CA10: variants seen among roughly 807,000 people sequenced by gnomAD.
CA10 encodes carbonic anhydrase-related protein 10.
CA10 carries 14 observed loss-of-function variants against 44.2 expected under a neutral mutation model. That is an observed-to-expected ratio of 0.32 (90% CI 0.21 to 0.50). The LOEUF (loss-of-function observed/expected upper bound fraction) is 0.50, where lower values mean the gene tolerates loss of function less well. Among genes scored for constraint, CA10 ranks in the 20% least tolerant of loss-of-function variants. CA10 has a pLI of 0.99. For missense variants in CA10, 350 were observed against 409.7 expected (o/e 0.85, Z 1.26); for synonymous variants, 159 against 141.6 (o/e 1.12, Z -0.87).
intron 3 of CA10, among the ~76,000 whole-genome samples, chr17:51,810,511 C>T (rs1174539241): frequency 6.6e-6 from 1 of 151,998 alleles, no homozygotes; most frequent in African/African-American, 2.4e-5. Flanking sequence ...GAAGGGCATT[C>T]CAAGGCACAG....
chr17:51,677,129 TTAA>T (rs1343984246), intron 4 of CA10, among the ~76,000 whole-genome samples: 1 of 152,228 alleles, frequency 6.6e-6, no homozygotes, highest in Non-Finnish European at 1.5e-5. Context: ...GCAAAATGGG[TTAA>T]TAATATCTAC....
intron 3 of CA10, among the ~76,000 whole-genome samples, chr17:51,853,627 T>C (rs1010146064): frequency 2.0e-5 from 3 of 152,202 alleles, no homozygotes; most frequent in Non-Finnish European, 4.4e-5. Context: ...TTCTGTCCAC[T>C]GTAGGATGCC....
At chr17:51,946,835 G>A (rs944378779) in intron 2 of CA10, among the ~76,000 whole-genome samples, 1 of 152,140 alleles carries the variant, frequency 6.6e-6, no homozygotes, top group African/African-American at 2.4e-5. Context: ...GTATGATAAT[G>A]AAATATACGT....
At chr17:51,730,081 T>C (rs1178848707) in intron 4 of CA10, among the ~76,000 whole-genome samples, 3 of 152,188 alleles carry the variant, frequency 2.0e-5, no homozygotes, top group Non-Finnish European at 2.9e-5. Context: ...TAGCAGTGGC[T>C]CCAGTGTGGA....
At chr17:52,003,929 A>G (rs1985512879) in intron 2 of CA10, among the ~76,000 whole-genome samples, 1 of 114,292 alleles carries the variant, frequency 8.7e-6, no homozygotes, top group Admixed American at 8.1e-5. Flanking sequence ...ACTTATAGTA[A>G]AAACTAAAAC....
chr17:51,782,413 AC>A (rs536006002), intron 3 of CA10, among the ~76,000 whole-genome samples: 5 of 152,208 alleles, frequency 3.3e-5, no homozygotes, highest in Non-Finnish European at 4.4e-5. Flanking sequence ...CAGGTTTGAT[AC>A]TAGGGATCTT....
At chr17:52,042,701 A>G (rs1598182450) in intron 2 of CA10, among the ~76,000 whole-genome samples, 3 of 152,018 alleles carry the variant, frequency 2.0e-5, no homozygotes, top group East Asian at 3.9e-4. Context: ...CTTTCCCCCT[A>G]TGTTTACTTC....
At chr17:51,812,663 C>T (rs1907416560) in intron 3 of CA10, among the ~76,000 whole-genome samples, 1 of 152,232 alleles carries the variant, frequency 6.6e-6, no homozygotes, top group African/African-American at 2.4e-5. Flanking sequence ...CTAAACTCTT[C>T]TCCTGCCCTC....
intron 2 of CA10, among the ~76,000 whole-genome samples, chr17:51,989,153 C>CTTTTTTTTTTT (rs558333341): frequency 7.4e-6 from 1 of 135,128 alleles, no homozygotes; most frequent in African/African-American, 2.7e-5. Flanking sequence ...ATCTCTGTTT[C>CTTTTTTTTTTT]TTTTTTTTTT....
chr17:52,046,727 T>C (rs944656682), intron 2 of CA10, among the ~76,000 whole-genome samples: 4 of 151,670 alleles, frequency 2.6e-5, no homozygotes, highest in Admixed American at 6.6e-5. Flanking sequence ...ACAAAAACAT[T>C]ATATAGAAAA....
chr17:52,066,041 T>C (rs1987527091), intron 2 of CA10, among the ~76,000 whole-genome samples: 2 of 152,204 alleles, frequency 1.3e-5, no homozygotes, highest in Non-Finnish European at 2.9e-5. Flanking sequence ...GTAAGTTTCA[T>C]GAGGCCTCCC....
chr17:52,026,755 C>G (rs543832213), intron 2 of CA10, among the ~76,000 whole-genome samples: 3 of 152,162 alleles, frequency 2.0e-5, no homozygotes, highest in Non-Finnish European at 4.4e-5. Context: ...ATGGGGGTAA[C>G]GACCCCTATG....
chr17:51,918,856 G>A (rs1293977653), intron 3 of CA10, among the ~76,000 whole-genome samples: 2 of 152,078 alleles, frequency 1.3e-5, no homozygotes, highest in African/African-American at 2.4e-5. Context: ...TTTTTAAAAC[G>A]TTAAGAATAT....
chr17:52,019,330 A>G (rs2144150144), intron 2 of CA10, among the ~76,000 whole-genome samples: 1 of 152,244 alleles, frequency 6.6e-6, no homozygotes, highest in Non-Finnish European at 1.5e-5. Flanking sequence ...TTAATGAAAT[A>G]TAGTGTAGCC....
intron 2 of CA10, among the ~76,000 whole-genome samples, chr17:51,974,386 T>A (rs2319630): frequency 0.036 from 1,428 of 40,200 alleles, 18 homozygotes; most frequent in Admixed American, 0.067. Context: ...CCATCTCATT[T>A]AAAAAAAAAA....
At chr17:51,804,226 A>T (rs752232248) in intron 3 of CA10, among the ~76,000 whole-genome samples, 6 of 152,234 alleles carry the variant, frequency 3.9e-5, no homozygotes, top group African/African-American at 1.4e-4. Context: ...ATTTCTATAA[A>T]TTAATCTGGA....
At chr17:51,836,861 G>A (rs1908496722) in intron 3 of CA10, among the ~76,000 whole-genome samples, 1 of 152,154 alleles carries the variant, frequency 6.6e-6, no homozygotes, top group African/African-American at 2.4e-5. Context: ...ATATACTTGA[G>A]TATAAGAGAG....
intron 1 of CA10, among the ~76,000 whole-genome samples, chr17:52,087,058 T>TA (rs1338331089): frequency 1.3e-5 from 2 of 152,200 alleles, no homozygotes; most frequent in Non-Finnish European, 2.9e-5. Flanking sequence ...TGCCAGCCAA[T>TA]AAGTCAATAC....
intron 3 of CA10, among the ~76,000 whole-genome samples, chr17:51,839,755 G>A (rs1202265672): frequency 6.6e-6 from 1 of 152,118 alleles, no homozygotes; most frequent in African/African-American, 2.4e-5. Flanking sequence ...AAAGAAGACT[G>A]AAATATAAAA....
Sources: gnomAD v4.1 joint callset for allele counts (sites outside exome capture counted in the v4.1 genomes callset) on GRCh38, gnomAD v4.1.1 for gene constraint, MANE v1.5 for transcripts, NCBI Gene and HGNC (gene_info 2026-07-23, HGNC 2026-07-21) for gene names.